SEC24B: variants seen among roughly 807,000 people sequenced by gnomAD.
The protein encoded by SEC24B is protein transport protein Sec24B.
A neutral mutation model predicts 142.8 loss-of-function variants in SEC24B; 45 were observed. That is an observed-to-expected ratio of 0.32 (90% CI 0.25 to 0.40). The LOEUF (loss-of-function observed/expected upper bound fraction) is 0.40. SEC24B is among the 10% of genes least tolerant of loss of function. The pLI, the probability that SEC24B is intolerant of heterozygous loss-of-function variation, is 1.00. For missense variants in SEC24B, 1,409 were observed against 1,526.8 expected, an observed-to-expected ratio of 0.92 and a Z score of 1.29; for synonymous variants, 574 against 568.2, an observed-to-expected ratio of 1.01 and a Z score of -0.15.
intron 18 of SEC24B, among the ~76,000 whole-genome samples, chr4:109,527,775 T>C (rs1724415615): frequency 6.7e-6 from 1 of 150,118 alleles, no homozygotes. Flanking sequence ...AGTGAGACTC[T>C]GTCTCAAAAA....
At chr4:109,441,525 G>T (rs1016698916) in intron 1 of SEC24B, among the ~76,000 whole-genome samples, 2 of 152,142 alleles carry the variant, frequency 1.3e-5, no homozygotes, top group African/African-American at 4.8e-5. Context: ...TGACCTCCCC[G>T]GGTTAAGGTG....
chr4:109,451,528 G>A (rs1730088613), intron 1 of SEC24B, among the ~76,000 whole-genome samples: 1 of 152,090 alleles, frequency 6.6e-6, no homozygotes, highest in Admixed American at 6.5e-5. Context: ...GCTCTTTCAA[G>A]TTGGCTTCTG....
chr4:109,447,526 A>G (rs1230317741), intron 1 of SEC24B, among the ~76,000 whole-genome samples: 4 of 151,986 alleles, frequency 2.6e-5, no homozygotes, highest in Non-Finnish European at 5.9e-5. Flanking sequence ...GGCAAACAGT[A>G]TTTTTTTCCC....
Position 109,524,877 on chromosome 4 carries a change from G to A in SEC24B, c.2568G>A (p.Ser856=), listed in dbSNP as rs773854140. 7.4e-6 allele frequency: 12 copies of A among 1,612,138 alleles called. No homozygotes were observed. The highest frequency in any genetic ancestry group is 4.5e-5 in the East Asian group (2 of 44,760). Residue 856 remains serine (S), a synonymous_variant, in exon 15 of 24, where the codon TCG becomes TCA. Coordinates refer to ENST00000265175, the MANE Select transcript of SEC24B (RefSeq NM_006323.5). ...DFYKKLALDC[S]GQQTAVDLFL... ...ATAAGAAACTTGCATTAGATTGCTC[G>A]GGACAGCAAACTGCAGTGGATTTGT...
Position 109,531,532 on chromosome 4 carries a change from T to G in SEC24B, c.3390+10T>G. 1.9e-6 allele frequency: 3 copies of G among 1,586,998 alleles called. No homozygotes were observed. Among genetic ancestry groups the G allele is most frequent in the Non-Finnish European group, 2.6e-6 (3 of 1,156,908 alleles). On this transcript the variant is annotated intron_variant, in intron 20 of 23. Coordinates refer to ENST00000265175, the MANE Select transcript of SEC24B (RefSeq NM_006323.5). Reference sequence around the variant, plus strand: ...CAGATTGACAGATGAGGTATGTATTTTAGTGCATTTGAAATGTTTAAATTT... The same window carrying G: ...CAGATTGACAGATGAGGTATGTATTGTAGTGCATTTGAAATGTTTAAATTT...
chr4:109,491,365 A>G lies in SEC24B; in HGVS notation c.1204A>G (p.Met402Val), dbSNP rs762818953. ...TTCTACCACAAGCAGTGCTTCTCCA[A>G]TGCCCAACAGTTATGATGCCCTGGA... is the stretch of plus-strand genomic sequence containing the variant. Reference protein sequence around the residue: ...SSSTTSSASPMPNSYDALEGG... With the variant: ...SSSTTSSASPVPNSYDALEGG... The change falls in exon 5 of 24, where the codon ATG (methionine) becomes GTG (valine). Residue 402 changes from methionine to valine, a missense_variant. Met to Val is a conservative substitution (Grantham distance 21). Around this residue, in one of 2 missense-constraint regions of SEC24B, gnomAD observed 709 missense variants for 673.5 expected, o/e 1.05. Coordinates refer to ENST00000265175, the MANE Select transcript of SEC24B (RefSeq NM_006323.5). The G allele has an allele frequency of 1.4e-5, 22 of 1,613,786 alleles. No homozygotes were observed. Among genetic ancestry groups the G allele is most frequent in the African/African-American group, 9.3e-5 (7 of 75,056 alleles).
chr4:109,493,977 A>G (rs1735274115), intron 5 of SEC24B, among the ~76,000 whole-genome samples: 1 of 152,040 alleles, frequency 6.6e-6, no homozygotes, highest in Non-Finnish European at 1.5e-5. Flanking sequence ...GAAACATGCT[A>G]CTCCTTCCAT....
chr4:109,536,808 C>A (rs1002555873), intron 22 of SEC24B, among the ~76,000 whole-genome samples: 1 of 150,890 alleles, frequency 6.6e-6, no homozygotes, highest in South Asian at 2.1e-4. Flanking sequence ...GGATTACAGG[C>A]GTGAGCCACT....
At chr4:109,516,790 C>T (rs1261403145) in intron 11 of SEC24B, 150 bp downstream of exon 11, 1 of 450,262 alleles carries the variant, frequency 2.2e-6, no homozygotes, top group South Asian at 5.7e-5. Flanking sequence ...AATAAGAATG[C>T]AGATACTCGA....
At chr4:109,521,025 T>C (rs945298022) in intron 12 of SEC24B, 92 bp from the exon 13 acceptor site, 1 of 770,726 alleles carries the variant, frequency 1.3e-6, no homozygotes, top group South Asian at 1.5e-5. Flanking sequence ...AAAATTATAG[T>C]ACACATTACA....
chr4:109,538,033 A>G (rs1725750923), intron 22 of SEC24B, among the ~76,000 whole-genome samples: 1 of 152,152 alleles, frequency 6.6e-6, no homozygotes, highest in African/African-American at 2.4e-5. Flanking sequence ...ACATATCCAC[A>G]CTGTACTTTA....
intron 5 of SEC24B, among the ~76,000 whole-genome samples, chr4:109,492,506 G>T (rs374324305): frequency 9.2e-5 from 14 of 152,244 alleles, no homozygotes; most frequent in African/African-American, 3.4e-4. Context: ...GTCAGACTTT[G>T]GTTTCTTTGT....
In SEC24B at chr4:109,480,758, C is replaced by T. The variant is rs139999982; in HGVS notation, c.1061-919C>T. Among the ~76,000 whole-genome samples the T allele has an allele frequency of 5.3e-3, 810 of 152,328 alleles. 35 individuals carry two copies. In the South Asian group the frequency reaches 0.079, roughly 15 times the overall value. ...CCTCCCAAAGTGCTGGGATTACAGG[C>T]GTGAGCCACCATGCCCGGCCTTCAT... On this transcript the variant is annotated intron_variant, in intron 3 of 23. Transcript: ENST00000265175.
chr4:109,470,399 T>G (rs1732389408), intron 2 of SEC24B, among the ~76,000 whole-genome samples: 1 of 152,192 alleles, frequency 6.6e-6, no homozygotes, highest in Non-Finnish European at 1.5e-5. Flanking sequence ...GACTACACTT[T>G]GAGTATGAGG....
Position 109,539,574 on chromosome 4 carries a change from G to C in SEC24B, c.3706G>C (p.Ala1236Pro), listed in dbSNP as rs781014991. 6.2e-7 allele frequency: 1 copy of C among 1,612,652 alleles called. No homozygotes were observed. The highest frequency in any genetic ancestry group is 1.7e-5 in the Admixed American group (1 of 59,966). Reference protein sequence around the residue: ...ILHIVKDESPAKAEFFQHLIE... With the variant: ...ILHIVKDESPPKAEFFQHLIE... ...TCTTTCTTCCAGAGATGAGAGTCCT[G>C]CCAAAGCAGAATTTTTTCAGCATTT... Residue 1236 changes from alanine to proline, a missense_variant, in exon 24 of 24, where the codon GCC becomes CCC. By Grantham distance (27) the Ala-to-Pro change is conservative. This residue lies in a region of SEC24B where 700 missense variants were observed against 853.3 expected (regional missense o/e 0.82). Transcript: ENST00000265175.
At chr4:109,505,664 T>C (rs1265870734) in intron 6 of SEC24B, among the ~76,000 whole-genome samples, 2 of 152,178 alleles carry the variant, frequency 1.3e-5, no homozygotes, top group Non-Finnish European at 2.9e-5. Context: ...TTAGATATCA[T>C]CTCTACTTAA....
chr4:109,458,311 AT>A, intron 1 of SEC24B, among the ~76,000 whole-genome samples: 1 of 152,074 alleles, frequency 6.6e-6, no homozygotes, highest in African/African-American at 2.4e-5. Flanking sequence ...TTTGGAATAT[AT>A]TTTCTTTTCA....
chr4:109,448,342 C>T (rs1202436708), intron 1 of SEC24B, among the ~76,000 whole-genome samples: 4 of 152,008 alleles, frequency 2.6e-5, no homozygotes, highest in Non-Finnish European at 5.9e-5. Flanking sequence ...ACTCTGGCTA[C>T]GTTTGGTGTG....
intron 8 of SEC24B, among the ~76,000 whole-genome samples, chr4:109,510,769 A>AAAT (rs1737233622): frequency 6.6e-6 from 1 of 152,120 alleles, no homozygotes; most frequent in Admixed American, 6.5e-5. Flanking sequence ...GGGCTGTTTT[A>AAAT]TTTGTACTTC....
Sources: allele counts gnomAD v4.1 joint callset (sites outside exome capture counted in the v4.1 genomes callset), GRCh38; gene constraint gnomAD v4.1.1; regional missense constraint gnomAD v4.1.1; transcripts MANE v1.5; gene names NCBI Gene and HGNC (gene_info 2026-07-23, HGNC 2026-07-21).